The following RBPMS variants were observed in gnomAD, a reference collection of about 807,000 sequenced individuals.
RBPMS encodes RNA-binding protein with multiple splicing.
A neutral mutation model predicts 26.8 loss-of-function variants in RBPMS; 7 were observed. The ratio of observed to expected loss-of-function variants is 0.26; its 90% CI spans 0.15 to 0.49. The LOEUF (loss-of-function observed/expected upper bound fraction) is 0.49. Among genes scored for constraint, RBPMS ranks in the 20% least tolerant of loss-of-function variants. The pLI is 0.98. For missense variants in RBPMS, 186 were observed against 250.0 expected, an observed-to-expected ratio of 0.74 and a Z score of 1.73; for synonymous variants, 96 against 93.3, an observed-to-expected ratio of 1.03 and a Z score of -0.17.
chr8:30,387,502 G>T (rs536250641), intron 1 of RBPMS, among the ~76,000 whole-genome samples: 3 of 152,066 alleles, frequency 2.0e-5, no homozygotes, highest in African/African-American at 7.2e-5. Flanking sequence ...CCCTTTCCCT[G>T]CCCACCCATT....
chr8:30,542,242 G>T (rs778613479), intron 5 of RBPMS, among the ~76,000 whole-genome samples: 5 of 152,194 alleles, frequency 3.3e-5, no homozygotes, highest in Non-Finnish European at 7.3e-5. Flanking sequence ...ATGGTGAATT[G>T]TCTCTAAGCA....
At chr8:30,482,475 T>G (rs1818384454) in intron 4 of RBPMS, among the ~76,000 whole-genome samples, 1 of 152,226 alleles carries the variant, frequency 6.6e-6, no homozygotes, top group Non-Finnish European at 1.5e-5. Context: ...TTAGTATTAG[T>G]GATTAGTCTT....
chr8:30,566,708 C>T lies in RBPMS; in HGVS notation c.*111+348C>T, dbSNP rs949108144. ...AAACGAAGCTTTTCCCTTTAAGCAT[C>T]GCCTTTTTTGGGGGGAAATTATTAT... On this transcript the variant is annotated intron_variant, in intron 8 of 8. Coordinates refer to ENST00000397323, the MANE Select transcript of RBPMS (RefSeq NM_001008710.3). Among the ~76,000 whole-genome samples, 34 of 152,278 alleles carry T rather than the reference C, an allele frequency of 2.2e-4. 1 individual carries two copies. In the South Asian group the frequency reaches 2.3e-3, roughly 10 times the overall value.
intron 6 of RBPMS, among the ~76,000 whole-genome samples, chr8:30,546,386 C>CA: frequency 6.6e-6 from 1 of 152,320 alleles, no homozygotes; most frequent in South Asian, 2.1e-4. Flanking sequence ...TTGGCCATGA[C>CA]ATCTGCTCAT....
intron 1 of RBPMS, among the ~76,000 whole-genome samples, chr8:30,389,814 ATATT>A: frequency 6.6e-6 from 1 of 152,172 alleles, no homozygotes; most frequent in Non-Finnish European, 1.5e-5. Flanking sequence ...ATATAAATTC[ATATT>A]TATTATGTAT....
chr8:30,456,616 T>TC (rs1815247447), intron 1 of RBPMS, among the ~76,000 whole-genome samples: 1 of 152,216 alleles, frequency 6.6e-6, no homozygotes, highest in South Asian at 2.1e-4. Flanking sequence ...TTCACTGGGA[T>TC]CGGAACAAAT....
intron 5 of RBPMS, among the ~76,000 whole-genome samples, chr8:30,540,971 G>C (rs1006473833): frequency 6.6e-6 from 1 of 152,236 alleles, no homozygotes; most frequent in Non-Finnish European, 1.5e-5. Context: ...ACAGGTCATT[G>C]AGGGAGCATG....
At chr8:30,544,847 C>T in intron 6 of RBPMS, 1 of 1,520,120 alleles carries the variant, frequency 6.6e-7, no homozygotes, top group Admixed American at 2.0e-5. Context: ...CCAAATGACA[C>T]CTCTCTCTTC....
intron 1 of RBPMS, among the ~76,000 whole-genome samples, chr8:30,416,724 C>T (rs1284613831): frequency 3.3e-5 from 5 of 152,070 alleles, no homozygotes; most frequent in African/African-American, 7.2e-5. Flanking sequence ...CCGCCTGCCT[C>T]GGCCTCCCAA....
chr8:30,555,791 G>A, intron 6 of RBPMS: 1 of 703,980 alleles, frequency 1.4e-6, no homozygotes, highest in East Asian at 1.3e-4. Context: ...GCCCTTATGG[G>A]ATGGGCAGGA....
At chr8:30,471,277 G>C (rs1817074710) in intron 1 of RBPMS, among the ~76,000 whole-genome samples, 1 of 152,050 alleles carries the variant, frequency 6.6e-6, no homozygotes, top group African/African-American at 2.4e-5. Flanking sequence ...TATTGGCTGT[G>C]TAATATTTCA....
intron 2 of RBPMS, among the ~76,000 whole-genome samples, chr8:30,476,435 T>C (rs541465013): frequency 1.3e-5 from 2 of 152,324 alleles, no homozygotes; most frequent in African/African-American, 4.8e-5. Context: ...ACCTCTAGTT[T>C]TTTCAGAAGA....
At chr8:30,454,638 G>A (rs962657556) in intron 1 of RBPMS, among the ~76,000 whole-genome samples, 1 of 152,190 alleles carries the variant, frequency 6.6e-6, no homozygotes, top group East Asian at 1.9e-4. Context: ...AGAAATAAAT[G>A]TGTTGGCCTC....
At chr8:30,471,859 G>A (rs2150817910) in intron 1 of RBPMS, among the ~76,000 whole-genome samples, 1 of 152,218 alleles carries the variant, frequency 6.6e-6, no homozygotes, top group South Asian at 2.1e-4. Flanking sequence ...GTGGAAATGA[G>A]GATGCAAAAG....
intron 1 of RBPMS, among the ~76,000 whole-genome samples, chr8:30,469,389 T>G (rs1452426492): frequency 6.6e-6 from 1 of 152,232 alleles, no homozygotes; most frequent in Non-Finnish European, 1.5e-5. Flanking sequence ...CGTGGCCAGT[T>G]TATCCAAAAT....
intron 6 of RBPMS, chr8:30,555,852 G>C: frequency 1.0e-6 from 1 of 984,318 alleles, no homozygotes; most frequent in Middle Eastern, 5.2e-4. Flanking sequence ...ATGGGGCTAA[G>C]AGAGAACCCT....
chr8:30,476,750 C>T (rs1485006253), intron 2 of RBPMS, among the ~76,000 whole-genome samples: 4 of 152,146 alleles, frequency 2.6e-5, no homozygotes, highest in African/African-American at 9.7e-5. Flanking sequence ...TGTTTTTCCC[C>T]TGTGTCGTCC....
chr8:30,442,516 CTTTTCCA>C (rs1345257068), intron 1 of RBPMS: 1 of 151,984 alleles, frequency 6.6e-6, no homozygotes, highest in East Asian at 1.9e-4. Context: ...CAGTCGCTGC[CTTTTCCA>C]TTTTAATTGC....
At chr8:30,530,249 A>C (rs1199666304) in intron 5 of RBPMS, among the ~76,000 whole-genome samples, 1 of 152,186 alleles carries the variant, frequency 6.6e-6, no homozygotes, top group Admixed American at 6.5e-5. Context: ...CCTGATTTCA[A>C]GCTTGGGCAT....
Sources: gnomAD v4.1 joint callset for allele counts (sites outside exome capture counted in the v4.1 genomes callset) on GRCh38, gnomAD v4.1.1 for gene constraint, MANE v1.5 for transcripts, NCBI Gene and HGNC (gene_info 2026-07-23, HGNC 2026-07-21) for gene names.